Variants in SUSD1 observed in about 807,000 individuals in gnomAD.
The protein encoded by SUSD1 is sushi domain-containing protein 1.
A neutral mutation model predicts 86.9 loss-of-function variants in SUSD1; 65 were observed. The ratio of observed to expected loss-of-function variants is 0.75; its 90% CI spans 0.61 to 0.92. SUSD1 has a LOEUF of 0.92. SUSD1 is among the 40% of genes least tolerant of loss of function. SUSD1 has a pLI of 0.00. For synonymous variants in SUSD1, 346 were observed against 350.0 expected, an observed-to-expected ratio of 0.99 and a Z score of 0.13; for missense variants, 850 against 929.7, an observed-to-expected ratio of 0.91 and a Z score of 1.11.
At chr9:112,084,497 G>A (rs1220239077) in intron 10 of SUSD1, among the ~76,000 whole-genome samples, 3 of 152,172 alleles carry the variant, frequency 2.0e-5, no homozygotes, top group Non-Finnish European at 4.4e-5. Flanking sequence ...TGGTGAGTCT[G>A]CAGCTCCTTC....
Position 112,118,610 on chromosome 9 carries a change from G to A in SUSD1, c.886+5647C>T, listed in dbSNP as rs577895015. Among the ~76,000 whole-genome samples the A allele has an allele frequency of 3.3e-5, 5 of 152,124 alleles. No individual in the cohort carries two copies. The South Asian group carries it at 8.3e-4, about 25-fold the overall frequency. On this transcript the variant is annotated intron_variant, in intron 6 of 16. Transcript: ENST00000374270. Reference sequence around the variant, plus strand: ...AGTGATCCTCCAGCCTCAGCCTCCCGAGTAGCTGGGACTACAGACGCGTGC... The same window carrying A: ...AGTGATCCTCCAGCCTCAGCCTCCCAAGTAGCTGGGACTACAGACGCGTGC...
At chr9:112,174,270 C>G (rs1048038025) in intron 1 of SUSD1, among the ~76,000 whole-genome samples, 4 of 152,164 alleles carry the variant, frequency 2.6e-5, no homozygotes, top group African/African-American at 9.7e-5. Context: ...CAAATATGAC[C>G]AATCATTGAT....
intron 2 of SUSD1, among the ~76,000 whole-genome samples, chr9:112,151,324 C>T (rs531442472): frequency 1.3e-5 from 2 of 152,152 alleles, no homozygotes; most frequent in African/African-American, 2.4e-5. Flanking sequence ...TGGCCAGGCA[C>T]GTTGGTTCAC....
At chr9:112,065,299 GA>G (rs1828927679) in intron 12 of SUSD1, among the ~76,000 whole-genome samples, 1 of 152,136 alleles carries the variant, frequency 6.6e-6, no homozygotes, top group East Asian at 1.9e-4. Flanking sequence ...GAGGTGGGCG[GA>G]TCACTTGAGG....
At chr9:112,041,672 C>T (rs1390073295) in intron 16 of SUSD1, among the ~76,000 whole-genome samples, 180 bp from the exon 17 acceptor site, 1 of 152,166 alleles carries the variant, frequency 6.6e-6, no homozygotes, top group Admixed American at 6.5e-5. Flanking sequence ...TGCTCTTTTC[C>T]TGGGAAGGCA....
intron 1 of SUSD1, among the ~76,000 whole-genome samples, chr9:112,160,562 A>T (rs1308841699): frequency 6.6e-6 from 1 of 152,084 alleles, no homozygotes; most frequent in Non-Finnish European, 1.5e-5. Flanking sequence ...AAAATAAAGA[A>T]GATGAGAAAG....
At chr9:112,127,620 T>C (rs1439153608) in intron 5 of SUSD1, among the ~76,000 whole-genome samples, 1 of 151,756 alleles carries the variant, frequency 6.6e-6, no homozygotes, top group Admixed American at 6.7e-5. Flanking sequence ...TGAGTGCCTA[T>C]TACATGCTAG....
rs1464310912 is a variant in SUSD1, at chr9:112,098,529, G to A, written c.1415C>T (p.Thr472Ile). Residue 472 changes from threonine (T) to isoleucine (I), a missense_variant, in exon 10 of 17, where the codon ACC (threonine) becomes ATC (isoleucine). Thr to Ile is a moderately conservative substitution (Grantham distance 89). Transcript: ENST00000374270. ...YPTTDYTVNV[T>I]LLRSPKRHSV... ...GTGCCGCTTAGGAGATCTCAGCAGG[G>A]TCACATTCACCGTATAATCAGTCGT... The A allele has an allele frequency of 3.1e-6, 5 of 1,614,016 alleles. No homozygotes were observed. The highest frequency in any genetic ancestry group is 4.2e-6 in the Non-Finnish European group (5 of 1,180,022).
chr9:112,144,018 T>C (rs943068711), intron 3 of SUSD1, among the ~76,000 whole-genome samples: 12 of 152,022 alleles, frequency 7.9e-5, no homozygotes, highest in Non-Finnish European at 1.0e-4. Flanking sequence ...AGCATGTGGA[T>C]CACTTGAGGT....
intron 2 of SUSD1, among the ~76,000 whole-genome samples, chr9:112,155,773 G>C (rs934801978): frequency 6.6e-6 from 1 of 151,746 alleles, no homozygotes; most frequent in African/African-American, 2.4e-5. Flanking sequence ...ACCACCCCGG[G>C]CAATGTAGTG....
intron 10 of SUSD1, among the ~76,000 whole-genome samples, chr9:112,085,388 T>C (rs759400504): frequency 7.2e-5 from 11 of 152,234 alleles, no homozygotes; most frequent in Non-Finnish European, 1.5e-4. Flanking sequence ...TTTCTCCATG[T>C]GCTTTAATCC....
At position 112,175,110 on chromosome 9, in the gene SUSD1, T is replaced by G; in HGVS notation, c.103+23A>C. The G allele has an allele frequency of 1.3e-5, 13 of 1,016,272 alleles. No homozygotes were observed. The highest frequency in any genetic ancestry group is 1.5e-5 in the Non-Finnish European group (13 of 852,360). The allele number at this position is 1,016,272 out of a possible 1,614,324, so 63.0% of individuals were successfully genotyped here. A position where few individuals can be genotyped will look rare whatever the true frequency, so the allele number is the denominator to read the frequency against. On this transcript the variant is annotated intron_variant, in intron 1 of 16. Coordinates refer to ENST00000374270, the MANE Select transcript of SUSD1 (RefSeq NM_022486.5). The surrounding 1 kb of genome is among the most constrained non-coding windows in gnomAD (Gnocchi z 4.7). ...AGCCGGGGGCCCCGCCGGCCGCCCGTGCCCGTCCCAGCCCGCACTCACCGT... is the reference window on the plus strand; with the variant it reads ...AGCCGGGGGCCCCGCCGGCCGCCCGGGCCCGTCCCAGCCCGCACTCACCGT...
At chr9:112,117,147 T>A (rs1831360398) in intron 6 of SUSD1, among the ~76,000 whole-genome samples, 1 of 152,118 alleles carries the variant, frequency 6.6e-6, no homozygotes, top group African/African-American at 2.4e-5. Context: ...CCCTAAAAAA[T>A]AAAAATAAAT....
chr9:112,087,707 C>G (rs1157641274), intron 10 of SUSD1, among the ~76,000 whole-genome samples: 1 of 151,782 alleles, frequency 6.6e-6, no homozygotes, highest in East Asian at 1.9e-4. Flanking sequence ...TTAAAAGGGT[C>G]AAAAATAAAG....
chr9:112,160,726 A>G (rs1174285638), intron 1 of SUSD1, among the ~76,000 whole-genome samples: 1 of 152,210 alleles, frequency 6.6e-6, no homozygotes, highest in Non-Finnish European at 1.5e-5. Context: ...TTGCCTTAGC[A>G]GAGAGGAAGA....
rs1829624697 is a variant in SUSD1, at chr9:112,078,616, C to T, written c.1675G>A (p.Gly559Ser). 2 of 1,613,798 alleles carry T rather than the reference C, an allele frequency of 1.2e-6. No individual in the cohort carries two copies. Among genetic ancestry groups the T allele is most frequent in the East Asian group, 4.5e-5 (2 of 44,902 alleles). Reference sequence around the variant, plus strand: ...CGGAGACTGACATTGTAGTTGGTACCCGGACGTAGGTCCAAGCACACCTCG... The same window carrying T: ...CGGAGACTGACATTGTAGTTGGTACTCGGACGTAGGTCCAAGCACACCTCG... ...DPEVCLDLRP[G>S]TNYNVSLRAL... Residue 559 changes from glycine to serine, a missense_variant, in exon 12 of 17, where the codon GGT becomes AGT. Gly to Ser is a moderately conservative substitution (Grantham distance 56). Coordinates refer to ENST00000374270, the MANE Select transcript of SUSD1 (RefSeq NM_022486.5).
At chr9:112,109,382 A>G (rs1050362266) in intron 8 of SUSD1, among the ~76,000 whole-genome samples, 3 of 152,260 alleles carry the variant, frequency 2.0e-5, no homozygotes, top group Admixed American at 1.3e-4. Context: ...TCCAGGATCT[A>G]GAGGAAAAAA....
At chr9:112,162,122 G>C (rs987066597) in intron 1 of SUSD1, among the ~76,000 whole-genome samples, 3 of 152,066 alleles carry the variant, frequency 2.0e-5, no homozygotes, top group Non-Finnish European at 2.9e-5. Context: ...AGTTTCAGTG[G>C]GTTTTAACAA....
chr9:112,073,199 T>C (rs2762502), intron 12 of SUSD1, among the ~76,000 whole-genome samples: 34,985 of 152,258 alleles, frequency 0.23, 4,118 homozygotes, highest in Admixed American at 0.27. Context: ...CTGTGTTTTC[T>C]GTTGTTTTCC....
Sources: allele counts gnomAD v4.1 joint callset (sites outside exome capture counted in the v4.1 genomes callset), GRCh38; gene constraint gnomAD v4.1.1; non-coding constraint Gnocchi (gnomAD v3.1); transcripts MANE v1.5; gene names NCBI Gene and HGNC (gene_info 2026-07-23, HGNC 2026-07-21).